Variants in MRPL28 observed in about 807,000 individuals in gnomAD.
MRPL28 encodes the protein mitochondrial ribosomal protein L28, also known as large ribosomal subunit protein bL28m.
A neutral mutation model predicts 26.2 loss-of-function variants in MRPL28; 25 were observed. The observed-to-expected ratio is 0.95, with a 90% CI of 0.69 to 1.33. MRPL28 has a LOEUF of 1.33. Ranked by LOEUF, MRPL28 falls within the 40% of genes most tolerant of loss-of-function variation. MRPL28 has a pLI of 0.00. For missense variants in MRPL28, 432 were observed against 327.2 expected (o/e 1.32, Z -2.47); for synonymous variants, 227 against 140.1 (o/e 1.62, Z -4.38).
At chr16:369,801 G>C in intron 2 of MRPL28, 130 bp downstream of exon 2, 4 of 1,184,896 alleles carry the variant, frequency 3.4e-6, no homozygotes, top group Non-Finnish European at 4.7e-6. Flanking sequence ...CTCCTTTGCC[G>C]GAGATGTGTC....
intron 3 of MRPL28, 146 bp from the exon 4 acceptor site, chr16:368,781 TG>T: frequency 8.6e-6 from 11 of 1,281,846 alleles, no homozygotes; most frequent in South Asian, 3.0e-5. Flanking sequence ...CACCCCAGCC[TG>T]GGGGGTGGGA....
At position 370,053 on chromosome 16, in the gene MRPL28, T is replaced by C. The variant is rs778352396; in HGVS notation, c.166A>G (p.Asn56Asp). Residue 56 changes from asparagine to aspartate, a missense_variant, in exon 2 of 6, where the codon AAC becomes GAC. Physicochemically the swap from Asn to Asp is conservative, Grantham distance 23 (BLOSUM62 1). Transcript: ENST00000199706. The part of the protein sequence containing the change: ...HGAKFKINPK[N>D]GQRERVEDVP... Reference sequence around the variant, plus strand: ...TCCTCCACACGCTCCCGCTGCCCGTTCTTGGGGTTGATCTTGAACTTGGCC... The same window carrying C: ...TCCTCCACACGCTCCCGCTGCCCGTCCTTGGGGTTGATCTTGAACTTGGCC... 1 of 1,613,052 alleles carries C rather than the reference T, an allele frequency of 6.2e-7. No homozygotes were observed. The highest frequency in any genetic ancestry group is 8.5e-7 in the Non-Finnish European group (1 of 1,179,778).
chr16:370,010 T>C lies in MRPL28; in HGVS notation c.209A>G (p.Tyr70Cys), dbSNP rs1372395068. The change falls in exon 2 of 6, where the codon TAC becomes TGC. Residue 70 changes from tyrosine to cysteine, a missense_variant. Physicochemically the swap from Tyr to Cys is radical, Grantham distance 194. Coordinates refer to ENST00000199706, the MANE Select transcript of MRPL28 (RefSeq NM_006428.5). ...CCCCCGCTGGGATTCGGGGGGAAAG[T>C]AGATGGGAATGGGCACGTCCTCCAC... ...ERVEDVPIPI[Y>C]FPPESQRGLW... is the part of the protein sequence containing the mutation. The C allele has an allele frequency of 1.9e-6, 3 of 1,613,068 alleles. No homozygotes were observed. Among genetic ancestry groups the C allele is most frequent in the African/African-American group, 2.7e-5 (2 of 74,850 alleles).
rs761061828 is a variant in MRPL28, at chr16:367,429, C to G, written c.*246G>C. On this transcript the variant is annotated 3_prime_UTR_variant, in exon 6 of 6. Coordinates refer to ENST00000199706, the MANE Select transcript of MRPL28 (RefSeq NM_006428.5). The stretch of plus-strand genomic sequence containing the variant: ...CAGACTTTACTCGCTCCCGGCCCCA[C>G]GGGCACAAGGAACACTGCCGCAAAC... 8.4e-6 allele frequency: 6 copies of G among 713,302 alleles called. No individual in the cohort carries two copies. The highest frequency in any genetic ancestry group is 2.7e-5 in the East Asian group (1 of 37,186). 44.2% of individuals were successfully genotyped at this position (713,302 alleles called of 1,614,324 possible). A position where few individuals can be genotyped will look rare whatever the true frequency, so the allele number is the denominator to read the frequency against.
In MRPL28 at chr16:367,448, C is replaced by T. The variant is rs893180839; in HGVS notation, c.*227G>A. The T allele has an allele frequency of 4.8e-5, 34 of 715,400 alleles. 1 individual carries two copies. The East Asian group carries it at 6.2e-4, about 13-fold the overall frequency. The allele number at this position is 715,400 out of a possible 1,614,324, so 44.3% of individuals were successfully genotyped here. A position where few individuals can be genotyped will look rare whatever the true frequency, so the allele number is the denominator to read the frequency against. ...GCCCCACGGGCACAAGGAACACTGC[C>T]GCAAACGTCGGGGCCCAGCCTGAGA... On this transcript the variant is annotated 3_prime_UTR_variant, in exon 6 of 6. Transcript: ENST00000199706.
In MRPL28 at chr16:369,925, A is replaced by G. The variant is rs201737660; in HGVS notation, c.288+6T>C. The G allele has an allele frequency of 2.0e-4, 329 of 1,606,026 alleles. No individual in the cohort carries two copies. Among genetic ancestry groups the G allele is most frequent in the Non-Finnish European group, 2.6e-4 (307 of 1,178,110 alleles). ...AGGAGCCCCTGAAGGCCGCCTGCGG[A>G]CCCACCTTGTCGTTGTTGGCATATA... On this transcript the variant is annotated splice_donor_region_variant and intron_variant, in intron 2 of 5. Coordinates refer to ENST00000199706, the MANE Select transcript of MRPL28 (RefSeq NM_006428.5).
chr16:368,194 G>T, intron 5 of MRPL28, 134 bp downstream of exon 5: 2 of 1,052,976 alleles, frequency 1.9e-6, no homozygotes, highest in Non-Finnish European at 2.8e-6. Context: ...GGTGGGCAAT[G>T]CAGAGCAGCA....
intron 2 of MRPL28, chr16:369,641 C>A (rs1423256125): frequency 5.6e-6 from 4 of 720,264 alleles, no homozygotes; most frequent in Non-Finnish European, 1.0e-5. Context: ...GCCTCTCCCA[C>A]CTGCTCTGCT....
rs138510119 is a variant in MRPL28 at position 367,706 on chromosome 16, G to A, written c.740C>T (p.Ala247Val). 4.1e-4 allele frequency: 663 copies of A among 1,613,794 alleles called. 5 individuals are homozygous for A. In the African/African-American group the frequency reaches 6.9e-3, roughly 17 times the overall value. ...QLQQQALSEP[A>V]VVQKRASGQ Reference sequence around the variant, plus strand: ...GCCACTGGCTCTCTTCTGCACCACCGCCGGCTCTGACAGTGCCTGCTGCTG... The same window carrying A: ...GCCACTGGCTCTCTTCTGCACCACCACCGGCTCTGACAGTGCCTGCTGCTG... The change falls in exon 6 of 6, where the codon GCG becomes GTG. Residue 247 changes from alanine to valine, a missense_variant. Transcript: ENST00000199706.
In MRPL28 at chr16:369,130, C is replaced by T; in HGVS notation, c.379G>A (p.Val127Met). Reference protein sequence around the residue: ...EILDKKFTVTVTMRTLDLIDE... With the variant: ...EILDKKFTVTMTMRTLDLIDE... ...ATGAGGTCCAGGGTCCGCATGGTCA[C>T]AGTCACTGTGAACTTCTTGTCCAGG... is the stretch of plus-strand genomic sequence containing the variant. Residue 127 changes from valine to methionine, a missense_variant, in exon 3 of 6, where the codon GTG (valine) becomes ATG (methionine). Transcript: ENST00000199706. The T allele has an allele frequency of 6.2e-7, 1 of 1,614,102 alleles. No individual in the cohort carries two copies. Among genetic ancestry groups the T allele is most frequent in the Non-Finnish European group, 8.5e-7 (1 of 1,179,968 alleles).
At chr16:367,995 G>A (rs1402988793) in intron 5 of MRPL28, among the ~76,000 whole-genome samples, 1 of 152,250 alleles carries the variant, frequency 6.6e-6, no homozygotes, top group African/African-American at 2.4e-5. Context: ...TGGATAAACA[G>A]AGGGAATAGG....
At position 367,740 on chromosome 16, in the gene MRPL28, G is replaced by A. The variant is rs765652565; in HGVS notation, c.706C>T (p.Gln236Ter). Residue 236 changes from glutamine (Q) to a stop codon, truncating the protein, a stop_gained, in exon 6 of 6, where the codon CAG (glutamine) becomes TAG (stop). Transcript: ENST00000199706. LOFTEE classifies it high-confidence loss of function. ...GACAGTGCCTGCTGCTGCAGCTGCT[G>A]GATCAGCTCCGCCACATAGATCTTG... The part of the protein sequence containing the change: ...LFKIYVAELI[Q>*]QLQQQALSEP... 2.5e-6 allele frequency: 4 copies of A among 1,613,748 alleles called. No individual in the cohort carries two copies. Among genetic ancestry groups the A allele is most frequent in the Non-Finnish European group, 3.4e-6 (4 of 1,180,026 alleles).
intron 3 of MRPL28, 43 bp downstream of exon 3, chr16:369,025 C>A: frequency 6.3e-7 from 1 of 1,596,302 alleles, no homozygotes; most frequent in Non-Finnish European, 8.6e-7. Flanking sequence ...CTGACTGGCC[C>A]ATCCCAGACC....
rs754538479 is a variant in MRPL28 at position 368,626 on chromosome 16, C to G, written c.451G>C (p.Glu151Gln). The G allele has an allele frequency of 6.4e-7, 1 of 1,558,056 alleles. No individual in the cohort carries two copies. The highest frequency in any genetic ancestry group is 1.9e-5 in the Admixed American group (1 of 53,692). The change falls in exon 4 of 6, where the codon GAG becomes CAG. Residue 151 changes from glutamate (E) to glutamine (Q), a missense_variant. Physicochemically the swap from Glu to Gln is conservative, Grantham distance 29. Transcript: ENST00000199706. The stretch of plus-strand genomic sequence containing the variant: ...ATCCCAAACTTGGAGCACAGGTCCT[C>G]CTTCGGGGTCTGGCAGAAGGCTCAC... ...LDFYILKTPK[E>Q]DLCSKFGMDL... is the part of the protein sequence containing the mutation.
Position 368,394 on chromosome 16 carries a change from C to T in MRPL28, c.597G>A (p.Glu199=), listed in dbSNP as rs1056693753. 3 of 1,613,740 alleles carry T rather than the reference C, an allele frequency of 1.9e-6. No individual in the cohort carries two copies. The highest frequency in any genetic ancestry group is 1.3e-5 in the African/African-American group (1 of 74,924). The change falls in exon 5 of 6, where the codon GAG becomes GAA. Residue 199 remains glutamate, a synonymous_variant. Transcript: ENST00000199706. ...DKYKEFAIPE[E]EAEWVGLTLE... is the part of the protein sequence containing the mutation. ...GCGTGAGGCCCACCCACTCTGCCTC[C>T]TCCTCTGGGATGGCAAATTCCTAGG...
chr16:368,509 TGTCGTAGATGGCTGCCC>T lies in MRPL28; in HGVS notation c.551_567del (p.Arg184GlnfsTer24). On this transcript the variant is annotated frameshift_variant, in exon 4 of 6. Coordinates refer to ENST00000199706, the MANE Select transcript of MRPL28 (RefSeq NM_006428.5). LOFTEE classifies it high-confidence loss of function. ...GGGACGGAAACCCTCACCTTGTACT[TGTCGTAGATGGCTGCCC>T]GCCGCTCGGGGTCCTCGGGGTGCAG... The T allele has an allele frequency of 6.3e-7, 1 of 1,598,480 alleles. No homozygotes were observed.
Position 370,101 on chromosome 16 carries a change from G to C in MRPL28, c.118C>G (p.Pro40Ala), listed in dbSNP as rs75038007. The change falls in exon 2 of 6, where the codon CCC becomes GCC. Residue 40 changes from proline (P) to alanine (A), a missense_variant. Coordinates refer to ENST00000199706, the MANE Select transcript of MRPL28 (RefSeq NM_006428.5). ...RSLEEERTPT[P>A]VHYRPHGAKF... is the part of the protein sequence containing the mutation. ...GCCCCATGAGGCCTATAGTGCACGG[G>C]AGTGGGCGTCCGCTCCTCCTCCAGG... 1 of 1,610,900 alleles carries C rather than the reference G, an allele frequency of 6.2e-7. No homozygotes were observed. Among genetic ancestry groups the C allele is most frequent in the Middle Eastern group, 1.7e-4 (1 of 6,056 alleles).
rs761583625 is a variant in MRPL28, at chr16:369,985, C to T, written c.234G>A (p.Gly78=). Residue 78 remains glycine (G), a synonymous_variant, in exon 2 of 6, where the codon GGG becomes GGA. Coordinates refer to ENST00000199706, the MANE Select transcript of MRPL28 (RefSeq NM_006428.5). ...GGATCCAGCCCTCGCCGCCCCACAA[C>T]CCCCGCTGGGATTCGGGGGGAAAGT... ...PIYFPPESQR[G]LWGGEGWILG... The T allele has an allele frequency of 1.2e-6, 2 of 1,612,952 alleles. No individual in the cohort carries two copies. The highest frequency in any genetic ancestry group is 8.5e-7 in the Non-Finnish European group (1 of 1,179,852).
chr16:369,360 G>A, intron 2 of MRPL28, 140 bp from the exon 3 acceptor site: 3 of 1,149,336 alleles, frequency 2.6e-6, no homozygotes, highest in Non-Finnish European at 3.7e-6. Context: ...AGAGCTAACT[G>A]GGCCGGCCCC....
Sources: gnomAD v4.1 joint callset for allele counts (sites outside exome capture counted in the v4.1 genomes callset) on GRCh38, gnomAD v4.1.1 for gene constraint, MANE v1.5 for transcripts, NCBI Gene and HGNC (gene_info 2026-07-23, HGNC 2026-07-21) for gene names.